Variants in HDX observed in about 807,000 individuals in gnomAD.
The protein encoded by HDX is highly divergent homeobox.
HDX carries 19 observed loss-of-function variants against 45.2 expected under a neutral mutation model. The ratio of observed to expected loss-of-function variants is 0.42; its 90% CI spans 0.29 to 0.62. The LOEUF is 0.62. Ranked by LOEUF, HDX falls within the 20% of genes least tolerant of loss-of-function variation. The probability of loss-of-function intolerance (pLI) is 0.20; values close to 1 mark genes in which losing one functional copy is unlikely to be tolerated. For synonymous variants in HDX, 188 were observed against 172.8 expected (o/e 1.09, Z -0.69); for missense variants, 532 against 493.9 (o/e 1.08, Z -0.73).
intron 4 of HDX, among the ~76,000 whole-genome samples, chrX:84,458,445 T>C (rs1459990629): frequency 1.8e-5 from 2 of 112,126 alleles, no homozygotes; most frequent in African/African-American, 6.5e-5. Flanking sequence ...GACTTATAAT[T>C]TAAGTTTTAA....
chrX:84,494,995 G>A (rs777169117), intron 1 of HDX, among the ~76,000 whole-genome samples: 2 of 111,286 alleles, frequency 1.8e-5, no homozygotes, highest in East Asian at 2.8e-4. Flanking sequence ...TATACAAAAT[G>A]GAATACCATT....
In HDX at chrX:84,318,298, A is replaced by T. The variant is rs1415046784; in HGVS notation, c.*3591T>A. ...CTGCCAAGGAAAATACCAACTTCAA[A>T]GAGAAATCTACCCATTTACCTAACA... On this transcript the variant is annotated 3_prime_UTR_variant, in exon 11 of 11. Transcript: ENST00000373177. 9.1e-6 allele frequency: 1 copy of T among 110,309 alleles called. No homozygotes were observed. The highest frequency in any genetic ancestry group is 3.3e-5 in the African/African-American group (1 of 30,499). The allele number at this position is 110,309 out of a possible 1,213,427, so 9.1% of individuals were successfully genotyped here. A position where few individuals can be genotyped will look rare whatever the true frequency, so the allele number is the denominator to read the frequency against.
At chrX:84,373,805 C>T (rs949853177) in intron 5 of HDX, among the ~76,000 whole-genome samples, 17 of 111,442 alleles carry the variant, frequency 1.5e-4, no homozygotes, top group Non-Finnish European at 3.2e-4. Flanking sequence ...CAATATCATA[C>T]TGATTGTGCA....
At chrX:84,400,606 ATTGTG>A (rs2038678150) in intron 5 of HDX, among the ~76,000 whole-genome samples, 1 of 111,207 alleles carries the variant, frequency 9.0e-6, no homozygotes, top group African/African-American at 3.3e-5. Context: ...AATAATCAAT[ATTGTG>A]AAAATGACCA....
At chrX:84,365,456 C>T (rs1364599437) in intron 5 of HDX, among the ~76,000 whole-genome samples, 1 of 111,175 alleles carries the variant, frequency 9.0e-6, no homozygotes, top group African/African-American at 3.3e-5. Context: ...TGGGGCTACA[C>T]TTAGGAACAG....
chrX:84,320,233 A>T lies in HDX; in HGVS notation c.*1656T>A, dbSNP rs2036571280. The stretch of plus-strand genomic sequence containing the variant: ...CTGAATGGAATTTGACTTGTCAGCA[A>T]GAAAAACTAACTATTGTTTGCAAAA... On this transcript the variant is annotated 3_prime_UTR_variant, in exon 11 of 11. Coordinates refer to ENST00000373177, the MANE Select transcript of HDX (RefSeq NM_001177479.2). The T allele has an allele frequency of 9.0e-6, 1 of 111,147 alleles. No individual in the cohort carries two copies. The highest frequency in any genetic ancestry group is 3.3e-5 in the African/African-American group (1 of 30,703). The allele number at this position is 111,147 out of a possible 1,213,427, so 9.2% of individuals were successfully genotyped here. A position where few individuals can be genotyped will look rare whatever the true frequency, so the allele number is the denominator to read the frequency against.
At chrX:84,353,648 C>CAGAT (rs34763847) in intron 6 of HDX, among the ~76,000 whole-genome samples, 50,629 of 109,394 alleles carry the variant, frequency 0.46, 9,010 homozygotes, top group Middle Eastern at 0.7. Flanking sequence ...AAATGTTTCC[C>CAGAT]AGATAGCTGG....
chrX:84,344,279 G>T lies in HDX; in HGVS notation c.1631C>A (p.Ser544Tyr). 1 of 1,206,335 alleles carries T rather than the reference G, an allele frequency of 8.3e-7. No homozygotes were observed. Among genetic ancestry groups the T allele is most frequent in the Non-Finnish European group, 1.1e-6 (1 of 891,393 alleles). Residue 544 changes from serine to tyrosine, a missense_variant, in exon 7 of 11, where the codon TCC (serine) becomes TAC (tyrosine). Ser to Tyr is a moderately radical substitution (Grantham distance 144). Around this residue, in one of 3 missense-constraint regions of HDX, gnomAD observed 151 missense variants for 131.8 expected, o/e 1.15. Transcript: ENST00000373177. ...AGAGCTTCCTTCAGACAAACAGATG[G>T]ATACTTCATCATTTCTGTCATTATC... ...GEDNDRNDEV[S>Y]ICLSEGSSQE...
chrX:84,463,406 A>C (rs1569357806), intron 4 of HDX, among the ~76,000 whole-genome samples: 1 of 111,298 alleles, frequency 9.0e-6, no homozygotes, highest in Non-Finnish European at 1.9e-5. Context: ...TAACAAAAGC[A>C]CTAAAGTCCA....
chrX:84,366,298 G>T (rs1011252840), intron 5 of HDX, among the ~76,000 whole-genome samples: 1 of 111,402 alleles, frequency 9.0e-6, no homozygotes, highest in Non-Finnish European at 1.9e-5. Context: ...ACCTCTTCAA[G>T]GAGAACTACA....
intron 4 of HDX, among the ~76,000 whole-genome samples, chrX:84,445,967 G>A (rs192578663): frequency 8.5e-4 from 94 of 110,469 alleles, no homozygotes; most frequent in Middle Eastern, 5.3e-3. Flanking sequence ...TTAAAATCAG[G>A]GAAACTAGAA....
intron 4 of HDX, among the ~76,000 whole-genome samples, chrX:84,449,521 G>C (rs954907305): frequency 8.9e-6 from 1 of 111,932 alleles, no homozygotes; most frequent in Non-Finnish European, 1.9e-5. Context: ...TCTTCAAAGA[G>C]CTGAAAGAAA....
rs768518547 is a variant in HDX, at chrX:84,333,303, T to C, written c.1824+456A>G. 1.2e-3 allele frequency among the ~76,000 whole-genome samples: 138 copies of C among 111,811 alleles called. 1 individual carries two copies. The highest frequency in any genetic ancestry group is 9.3e-3 in the Middle Eastern group (2 of 214). ...AGGTCATCTGTATTCATATTCATTC[T>C]GTATTTGCTTTGGAAATTGTTTGCA... On this transcript the variant is annotated intron_variant, in intron 9 of 10. Coordinates refer to ENST00000373177, the MANE Select transcript of HDX (RefSeq NM_001177479.2).
At chrX:84,437,780 C>T (rs2039671084) in intron 5 of HDX, among the ~76,000 whole-genome samples, 1 of 111,316 alleles carries the variant, frequency 9.0e-6, no homozygotes, top group South Asian at 3.8e-4. Context: ...TTCCCTCTTC[C>T]TGTTGCCAAT....
intron 5 of HDX, among the ~76,000 whole-genome samples, chrX:84,431,768 T>G (rs1267518265): frequency 1.8e-5 from 2 of 111,542 alleles, no homozygotes; most frequent in Non-Finnish European, 3.8e-5. Flanking sequence ...TACAAATATT[T>G]TCTCCCATTC....
chrX:84,434,779 G>T (rs747501951), intron 5 of HDX, among the ~76,000 whole-genome samples: 3 of 111,599 alleles, frequency 2.7e-5, no homozygotes, highest in African/African-American at 9.7e-5. Context: ...GTAGAATTCA[G>T]TGATGAAGCC....
chrX:84,494,825 T>A, intron 1 of HDX, among the ~76,000 whole-genome samples: 1 of 111,498 alleles, frequency 9.0e-6, no homozygotes. Context: ...GATTCAGCAA[T>A]CCCACTTCTC....
chrX:84,328,931 T>C (rs1437174806), intron 9 of HDX, among the ~76,000 whole-genome samples: 1 of 112,077 alleles, frequency 8.9e-6, no homozygotes, highest in African/African-American at 3.2e-5. Context: ...CATAAATCTA[T>C]ATTTGTAAAT....
intron 5 of HDX, among the ~76,000 whole-genome samples, chrX:84,429,556 C>T (rs1309564695): frequency 9.1e-6 from 1 of 110,183 alleles, no homozygotes; most frequent in Middle Eastern, 4.7e-3. Flanking sequence ...ACTTATTAGC[C>T]TTAGTAGCTT....
Sources: gnomAD v4.1 joint callset for allele counts (sites outside exome capture counted in the v4.1 genomes callset) on GRCh38, gnomAD v4.1.1 for gene constraint, gnomAD v4.1.1 regional missense constraint, MANE v1.5 for transcripts, NCBI Gene and HGNC (gene_info 2026-07-23, HGNC 2026-07-21) for gene names.